The following LMNTD1 variants were observed in gnomAD, a reference collection of about 807,000 sequenced individuals.
The protein encoded by LMNTD1 is lamin tail domain-containing protein 1.
LMNTD1 carries 35 observed loss-of-function variants against 50.9 expected under a neutral mutation model. That is an observed-to-expected ratio of 0.69 (90% confidence interval 0.53 to 0.91). LMNTD1 has a LOEUF of 0.91. LMNTD1 is among the 40% of genes least tolerant of loss of function. LMNTD1 has a pLI of 0.00. For missense variants in LMNTD1, 470 were observed against 475.5 expected, an observed-to-expected ratio of 0.99 and a Z score of 0.11; for synonymous variants, 153 against 161.9, an observed-to-expected ratio of 0.94 and a Z score of 0.42.
intron 1 of LMNTD1, among the ~76,000 whole-genome samples, chr12:25,604,852 C>G (rs149453162): frequency 1.3e-5 from 2 of 151,940 alleles, no homozygotes; most frequent in African/African-American, 4.8e-5. Flanking sequence ...TAATCCTTTG[C>G]GTATATACCC....
chr12:25,484,937 C>T (rs1479403214), intron 9 of LMNTD1, among the ~76,000 whole-genome samples: 1 of 151,328 alleles, frequency 6.6e-6, no homozygotes, highest in African/African-American at 2.4e-5. Flanking sequence ...CAAGTCTTTG[C>T]TATTGTGAAT....
chr12:25,530,005 A>C (rs1942109016), intron 4 of LMNTD1, among the ~76,000 whole-genome samples: 1 of 152,108 alleles, frequency 6.6e-6, no homozygotes, highest in Admixed American at 6.6e-5. Flanking sequence ...CCTTATAAAC[A>C]CTTCAAATTT....
rs1946962027 is a variant in LMNTD1, at chr12:25,641,711, G to T, written c.58+6783C>A. Among the ~76,000 whole-genome samples, 5 of 151,990 alleles carry T rather than the reference G, an allele frequency of 3.3e-5. No homozygotes were observed. In the South Asian group the frequency reaches 1.0e-3, roughly 31 times the overall value. On this transcript the variant is annotated intron_variant, in intron 1 of 7. Coordinates refer to the LMNTD1 transcript ENST00000445693. ...TATTTCATATGTCACATCAAACTTTGTAGTAAATAATAAAAGAAACATTAT... is the reference window on the plus strand; with the variant it reads ...TATTTCATATGTCACATCAAACTTTTTAGTAAATAATAAAAGAAACATTAT...
intron 9 of LMNTD1, among the ~76,000 whole-genome samples, chr12:25,489,167 T>A (rs946137740): frequency 1.3e-5 from 2 of 152,042 alleles, no homozygotes; most frequent in African/African-American, 4.8e-5. Flanking sequence ...CAGTTCGAGC[T>A]TCCCGGCTGC....
intron 1 of LMNTD1, among the ~76,000 whole-genome samples, chr12:25,572,542 A>T (rs1322262419): frequency 6.6e-6 from 1 of 152,202 alleles, no homozygotes; most frequent in Non-Finnish European, 1.5e-5. Flanking sequence ...ATCAACAAAA[A>T]ATCCAAACTC....
At chr12:25,575,904 T>G (rs1050244654) in intron 1 of LMNTD1, among the ~76,000 whole-genome samples, 2 of 152,186 alleles carry the variant, frequency 1.3e-5, no homozygotes, top group African/African-American at 4.8e-5. Flanking sequence ...AGTGTTCTCA[T>G]TGTTCAATTC....
At chr12:25,648,407 A>G (rs1947118886) in intron 1 of LMNTD1, 6 of 1,067,438 alleles carry the variant, frequency 5.6e-6, no homozygotes, top group Non-Finnish European at 8.5e-6. Context: ...ACCACTTTCT[A>G]AAGTGTCAGG....
intron 4 of LMNTD1, among the ~76,000 whole-genome samples, chr12:25,546,159 G>A (rs761476354): frequency 7.3e-5 from 11 of 151,542 alleles, no homozygotes; most frequent in Non-Finnish European, 7.4e-5. Context: ...GTTTACTCTG[G>A]CATCTTTGAA....
intron 1 of LMNTD1, among the ~76,000 whole-genome samples, chr12:25,607,829 T>C (rs1029023406): frequency 6.6e-6 from 1 of 152,136 alleles, no homozygotes; most frequent in East Asian, 1.9e-4. Context: ...GGGTGGAGAG[T>C]TCTGTAGATG....
chr12:25,550,994 A>C (rs1488144009), intron 2 of LMNTD1, among the ~76,000 whole-genome samples: 1 of 152,246 alleles, frequency 6.6e-6, no homozygotes, highest in Non-Finnish European at 1.5e-5. Flanking sequence ...ACCTATGAAG[A>C]TACACTATTG....
intron 2 of LMNTD1, among the ~76,000 whole-genome samples, chr12:25,552,594 A>AC (rs1410286753): frequency 1.3e-5 from 2 of 150,128 alleles, no homozygotes; most frequent in Non-Finnish European, 1.5e-5. Context: ...AAAAAAAAAA[A>AC]AAAAAAACGG....
rs1323528289 is a variant in LMNTD1, at chr12:25,644,339, G to A, written c.58+4155C>T. On this transcript the variant is annotated intron_variant, in intron 1 of 7. Transcript: ENST00000445693. ...AAAAAAAAAAAAAAAAAAAAAATTA[G>A]CCAAGCATGGTGGCATGTGCCTGTG... is the stretch of plus-strand genomic sequence containing the variant. Among the ~76,000 whole-genome samples, 23 of 108,012 alleles carry A rather than the reference G, an allele frequency of 2.1e-4. No individual in the cohort carries two copies. The Admixed American group carries it at 2.3e-3, about 11-fold the overall frequency. The allele number at this position is 108,012 out of a possible 152,430, so 70.9% of individuals were successfully genotyped here. A position where few individuals can be genotyped will look rare whatever the true frequency, so the allele number is the denominator to read the frequency against.
At chr12:25,612,290 T>A (rs982366096) in intron 1 of LMNTD1, among the ~76,000 whole-genome samples, 2 of 107,120 alleles carry the variant, frequency 1.9e-5, no homozygotes, top group African/African-American at 3.0e-5. Flanking sequence ...CTAAGGTCCC[T>A]CACACACACA....
chr12:25,538,612 C>CA (rs1942799701), intron 4 of LMNTD1, among the ~76,000 whole-genome samples: 1 of 142,036 alleles, frequency 7.0e-6, no homozygotes, highest in African/African-American at 2.6e-5. Flanking sequence ...CCAGCCGCTG[C>CA]AAAATCATGC....
Position 25,522,192 on chromosome 12 carries a change from CA to C in LMNTD1, c.799-2118del, listed in dbSNP as rs35623041. 5.9e-5 allele frequency among the ~76,000 whole-genome samples: 9 copies of C among 151,982 alleles called. No individual in the cohort carries two copies. The East Asian group carries it at 1.5e-3, about 26-fold the overall frequency. On this transcript the variant is annotated intron_variant, in intron 6 of 9. Transcript: ENST00000458174. ...AAAAGTTTATTTTCATAGATTATGG[CA>C]AAAAAATGGACTTTTGCTACAGATC...
intron 4 of LMNTD1, among the ~76,000 whole-genome samples, chr12:25,544,589 T>A (rs1325895803): frequency 6.6e-6 from 1 of 151,862 alleles, no homozygotes; most frequent in Non-Finnish European, 1.5e-5. Context: ...ATTTATTTCT[T>A]GTTTTTGGGT....
At chr12:25,639,306 AT>A (rs1946901951) in intron 1 of LMNTD1, among the ~76,000 whole-genome samples, 1 of 152,212 alleles carries the variant, frequency 6.6e-6, no homozygotes, top group South Asian at 2.1e-4. Context: ...AAATAAAAAA[AT>A]AGATAAATTT....
intron 1 of LMNTD1, among the ~76,000 whole-genome samples, chr12:25,640,166 T>G (rs1018417886): frequency 1.4e-4 from 22 of 152,074 alleles, no homozygotes; most frequent in Admixed American, 4.6e-4. Flanking sequence ...GAGTGGGAAG[T>G]GACTGCTAAC....
At chr12:25,636,412 C>A (rs1946836024) in intron 1 of LMNTD1, among the ~76,000 whole-genome samples, 1 of 152,018 alleles carries the variant, frequency 6.6e-6, no homozygotes, top group African/African-American at 2.4e-5. Flanking sequence ...CAGGGAAATG[C>A]AAATCAAAAT....
Sources: allele counts gnomAD v4.1 joint callset (sites outside exome capture counted in the v4.1 genomes callset), GRCh38; gene constraint gnomAD v4.1.1; transcripts MANE v1.5; gene names NCBI Gene and HGNC (gene_info 2026-07-23, HGNC 2026-07-21).